The following CDK17 variants were observed in gnomAD, a reference collection of about 807,000 sequenced individuals.
CDK17 encodes cyclin dependent kinase 17.
CDK17 carries 24 observed loss-of-function variants against 77.6 expected under a neutral mutation model. The observed-to-expected ratio is 0.31, with a 90% CI of 0.22 to 0.44. CDK17 has a LOEUF of 0.44. CDK17 is among the 20% of genes least tolerant of loss of function. The pLI is 1.00. For missense variants in CDK17, 429 were observed against 622.5 expected, an observed-to-expected ratio of 0.69 and a Z score of 3.31; for synonymous variants, 203 against 210.4, an observed-to-expected ratio of 0.96 and a Z score of 0.30.
intron 1 of CDK17, among the ~76,000 whole-genome samples, chr12:96,382,141 T>G (rs367567880): frequency 1.2e-4 from 19 of 152,134 alleles, no homozygotes; most frequent in South Asian, 1.2e-3. Flanking sequence ...GAAAGGGATA[T>G]CGCATGTTCA....
intron 4 of CDK17, among the ~76,000 whole-genome samples, chr12:96,311,390 T>C (rs4018898): frequency 1.3e-5 from 2 of 151,790 alleles, no homozygotes; most frequent in African/African-American, 2.4e-5. Context: ...AAATGAAATT[T>C]TGCAACCTCA....
intron 1 of CDK17, among the ~76,000 whole-genome samples, chr12:96,359,181 A>G (rs1417754655): frequency 6.6e-6 from 1 of 152,174 alleles, no homozygotes; most frequent in Non-Finnish European, 1.5e-5. Flanking sequence ...TCATTCCAGC[A>G]GATTCTCTTC....
At chr12:96,381,117 A>T (rs990986318) in intron 1 of CDK17, among the ~76,000 whole-genome samples, 2 of 151,918 alleles carry the variant, frequency 1.3e-5, no homozygotes, top group African/African-American at 4.8e-5. Flanking sequence ...AAACTAATAC[A>T]CTCTATCATA....
At chr12:96,384,059 GAAAA>G (rs142876311) in intron 1 of CDK17, among the ~76,000 whole-genome samples, 1 of 146,358 alleles carries the variant, frequency 6.8e-6, no homozygotes, top group African/African-American at 2.5e-5. Flanking sequence ...AAATCCACAA[GAAAA>G]AAAAAATCCC....
intron 13 of CDK17, among the ~76,000 whole-genome samples, chr12:96,284,250 C>A (rs1248776474): frequency 6.6e-6 from 1 of 152,004 alleles, no homozygotes; most frequent in Non-Finnish European, 1.5e-5. Context: ...GCGGGTGGAT[C>A]ACGAGGTCAG....
At chr12:96,388,327 G>A (rs944387430) in intron 1 of CDK17, among the ~76,000 whole-genome samples, 5 of 152,136 alleles carry the variant, frequency 3.3e-5, no homozygotes, top group African/African-American at 1.2e-4. Flanking sequence ...ATTCCTAATG[G>A]TCATTAGATT....
intron 1 of CDK17, among the ~76,000 whole-genome samples, chr12:96,392,845 A>T (rs1954092219): frequency 6.6e-6 from 1 of 152,242 alleles, no homozygotes; most frequent in African/African-American, 2.4e-5. Flanking sequence ...CCAGGAACAC[A>T]TAAAACCTGG....
At chr12:96,383,139 T>C (rs1953913616) in intron 1 of CDK17, among the ~76,000 whole-genome samples, 1 of 151,998 alleles carries the variant, frequency 6.6e-6, no homozygotes. Context: ...AGAGCAAAAT[T>C]AAAAACACAA....
chr12:96,348,549 A>AG (rs1446063179), intron 1 of CDK17, among the ~76,000 whole-genome samples: 1 of 151,254 alleles, frequency 6.6e-6, no homozygotes, highest in Non-Finnish European at 1.5e-5. Context: ...AAAACAAAAA[A>AG]GAAAAAAAAA....
intron 11 of CDK17, 93 bp downstream of exon 11, chr12:96,289,074 T>A: frequency 2.3e-6 from 3 of 1,320,428 alleles, no homozygotes; most frequent in Non-Finnish European, 3.2e-6. Context: ...TAAAATAATA[T>A]CTCCTTAAAA....
At chr12:96,338,187 A>C (rs1404723526) in intron 1 of CDK17, among the ~76,000 whole-genome samples, 2 of 152,186 alleles carry the variant, frequency 1.3e-5, no homozygotes, top group Non-Finnish European at 2.9e-5. Context: ...TTGCACAACA[A>C]GACTCAGGTG....
chr12:96,343,034 G>A (rs1311770817), intron 1 of CDK17, among the ~76,000 whole-genome samples: 2 of 152,010 alleles, frequency 1.3e-5, no homozygotes, highest in African/African-American at 4.8e-5. Context: ...TATGAATAGT[G>A]AAACACACAA....
chr12:96,342,370 A>T (rs1280767168), intron 1 of CDK17, among the ~76,000 whole-genome samples: 1 of 152,238 alleles, frequency 6.6e-6, no homozygotes, highest in Admixed American at 6.5e-5. Context: ...TTCATTAGAG[A>T]CAATGTTGTT....
chr12:96,294,297 G>T (rs1022732400), intron 10 of CDK17, among the ~76,000 whole-genome samples: 1 of 152,110 alleles, frequency 6.6e-6, no homozygotes, highest in Non-Finnish European at 1.5e-5. Context: ...TAGTGGTAAA[G>T]AATACAATGA....
chr12:96,368,238 G>C (rs1953620458), intron 1 of CDK17, among the ~76,000 whole-genome samples: 1 of 152,200 alleles, frequency 6.6e-6, no homozygotes, highest in Non-Finnish European at 1.5e-5. Context: ...AAGTTATAAA[G>C]AAAATCAGGA....
rs571652044 is a variant in CDK17 at position 96,310,718 on chromosome 12, A to G, written c.543+334T>C. Among the ~76,000 whole-genome samples the G allele has an allele frequency of 1.9e-4, 29 of 151,058 alleles. No homozygotes were observed. In the South Asian group the frequency reaches 4.4e-3, roughly 23 times the overall value. On this transcript the variant is annotated intron_variant, in intron 5 of 16. Transcript: ENST00000261211. ...AATTATGGTTTGTGTACTTCTCTGT[A>G]TATCTAGTATATATTAATACATGTT...
chr12:96,316,364 C>T (rs1189447008), intron 3 of CDK17, among the ~76,000 whole-genome samples: 1 of 150,540 alleles, frequency 6.6e-6, no homozygotes, highest in Non-Finnish European at 1.5e-5. Flanking sequence ...CGCAAGGCGG[C>T]AGCGAGGCTG....
chr12:96,334,813 T>A lies in CDK17; in HGVS notation c.24A>T (p.Leu8=), dbSNP rs765277484. Residue 8 remains leucine, a synonymous_variant, in exon 2 of 17, where the codon CTA becomes CTT. Coordinates refer to ENST00000261211, the MANE Select transcript of CDK17 (RefSeq NM_002595.5). ...TCTGACTTCCTCGGAGTGTGAGGGA[T>A]AGCCTTCTCTTAAATTTTTTCATCC... MKKFKRR[L]SLTLRGSQTI... 2 of 1,603,532 alleles carry A rather than the reference T, an allele frequency of 1.2e-6. No individual in the cohort carries two copies. The highest frequency in any genetic ancestry group is 8.5e-7 in the Non-Finnish European group (1 of 1,170,928).
In CDK17 at chr12:96,298,427, C is replaced by T. The variant is rs537919730; in HGVS notation, c.715+442G>A. 2.6e-5 allele frequency among the ~76,000 whole-genome samples: 4 copies of T among 152,224 alleles called. No homozygotes were observed. In the South Asian group the frequency reaches 8.3e-4, roughly 32 times the overall value. ...TTTTCCTAAATGTTAACTTTTGAAA[C>T]TTCTGGCATTAATTTAGATATAAAT... is the stretch of plus-strand genomic sequence containing the variant. On this transcript the variant is annotated intron_variant, in intron 7 of 16. Transcript: ENST00000261211.
Sources: gnomAD v4.1 joint callset for allele counts (sites outside exome capture counted in the v4.1 genomes callset) on GRCh38, gnomAD v4.1.1 for gene constraint, MANE v1.5 for transcripts, NCBI Gene and HGNC (gene_info 2026-07-23, HGNC 2026-07-21) for gene names.